The following ATOX1 variants were observed in gnomAD, a reference collection of about 807,000 sequenced individuals.
ATOX1 encodes antioxidant 1 copper chaperone, also known as copper transport protein ATOX1.
A neutral mutation model predicts 7.3 loss-of-function variants in ATOX1; 4 were observed. That is an observed-to-expected ratio of 0.55 (90% CI 0.27 to 1.25). ATOX1 has a LOEUF of 1.25. Ranked by LOEUF, ATOX1 falls within the 50% of genes most tolerant of loss-of-function variation. The probability of loss-of-function intolerance (pLI) is 0.12; values close to 1 mark genes in which losing one functional copy is unlikely to be tolerated. For missense variants in ATOX1, 68 were observed against 81.6 expected, an observed-to-expected ratio of 0.83 and a Z score of 0.64; for synonymous variants, 25 against 28.7, an observed-to-expected ratio of 0.87 and a Z score of 0.41.
chr5:151,755,907 T>C (rs1762008414), intron 1 of ATOX1, among the ~76,000 whole-genome samples: 1 of 151,654 alleles, frequency 6.6e-6, no homozygotes, highest in Non-Finnish European at 1.5e-5. Context: ...AGGTTTAAAG[T>C]AGGTTTTTAA....
chr5:151,748,101 T>G (rs879459450), intron 2 of ATOX1, among the ~76,000 whole-genome samples: 19 of 152,354 alleles, frequency 1.2e-4, no homozygotes, highest in African/African-American at 4.3e-4. Context: ...CAACAGATAT[T>G]TGGCACATTT....
At chr5:151,748,925 T>A (rs1761910402) in intron 2 of ATOX1, among the ~76,000 whole-genome samples, 1 of 151,706 alleles carries the variant, frequency 6.6e-6, no homozygotes, top group African/African-American at 2.4e-5. Flanking sequence ...CAAGACCCTG[T>A]CTCTACAAAA....
intron 1 of ATOX1, among the ~76,000 whole-genome samples, chr5:151,756,428 C>CT (rs1762017753): frequency 6.6e-6 from 1 of 150,560 alleles, no homozygotes; most frequent in Non-Finnish European, 1.5e-5. Context: ...CTTCTCTTCT[C>CT]TTCTTTCTTT....
chr5:151,748,059 T>A (rs1341298712), intron 2 of ATOX1, among the ~76,000 whole-genome samples: 2 of 152,254 alleles, frequency 1.3e-5, no homozygotes, highest in African/African-American at 4.8e-5. Context: ...AATATTGTTA[T>A]ACCATGAATT....
intron 2 of ATOX1, 33 bp from the exon 3 acceptor site, chr5:151,746,482 G>A (rs763369649): frequency 1.9e-6 from 3 of 1,612,440 alleles, no homozygotes; most frequent in Non-Finnish European, 2.5e-6. Flanking sequence ...ATGGGGAGAG[G>A]AAGCACAGAC....
At chr5:151,750,094 AATCTT>A (rs1425779259) in intron 2 of ATOX1, among the ~76,000 whole-genome samples, 1 of 152,178 alleles carries the variant, frequency 6.6e-6, no homozygotes, top group Non-Finnish European at 1.5e-5. Flanking sequence ...GAAAAGAAAA[AATCTT>A]AGAAGGCTGA....
rs143136214 is a variant in ATOX1, at chr5:151,746,220, C to T, written c.*46+59G>A. 89 of 1,474,650 alleles carry T rather than the reference C, an allele frequency of 6.0e-5. No homozygotes were observed. The African/African-American group carries it at 9.1e-4, about 15-fold the overall frequency. The allele number at this position is 1,474,650 out of a possible 1,614,324, so 91.3% of individuals were successfully genotyped here. A position where few individuals can be genotyped will look rare whatever the true frequency, so the allele number is the denominator to read the frequency against. On this transcript the variant is annotated intron_variant, in intron 3 of 3. Transcript: ENST00000313115. ...TCAAGCTCTCAAAGGCCAAGGTGTT[C>T]GCTCTGATGAGAGGTGTGAGCTGTA...
At chr5:151,753,656 A>T (rs1166144802) in intron 1 of ATOX1, among the ~76,000 whole-genome samples, 1 of 152,050 alleles carries the variant, frequency 6.6e-6, no homozygotes, top group Non-Finnish European at 1.5e-5. Flanking sequence ...AGCTAACTCA[A>T]TTTTTTTCAA....
chr5:151,755,640 G>T (rs1402437292), intron 1 of ATOX1, among the ~76,000 whole-genome samples: 3 of 152,144 alleles, frequency 2.0e-5, no homozygotes, highest in Non-Finnish European at 2.9e-5. Context: ...ATCCCCCACA[G>T]TATAAAGGTC....
At position 151,746,306 on chromosome 5, in the gene ATOX1, T is replaced by TTGAGTA. The variant is rs1761878755; in HGVS notation, c.*18_*19insTACTCA. On this transcript the variant is annotated 3_prime_UTR_variant, in exon 3 of 4. Coordinates refer to ENST00000313115, the MANE Select transcript of ATOX1 (RefSeq NM_004045.4). ...GCCCCCTTTGGTCCATCCTGTGGGC[T>TTGAGTA]GTGGGGACCAGGCCCCTGCTACTCA... The TTGAGTA allele has an allele frequency of 3.1e-6, 5 of 1,612,028 alleles. No homozygotes were observed. In the African/African-American group the frequency reaches 6.7e-5, roughly 22 times the overall value.
intron 2 of ATOX1, among the ~76,000 whole-genome samples, chr5:151,749,639 G>A (rs1170804605): frequency 8.8e-5 from 13 of 147,926 alleles, no homozygotes; most frequent in African/African-American, 3.0e-4. Context: ...TCTAGCCTGG[G>A]TGAAAGAGCA....
intron 2 of ATOX1, among the ~76,000 whole-genome samples, chr5:151,748,527 G>T (rs1761905908): frequency 6.6e-6 from 1 of 152,110 alleles, no homozygotes; most frequent in South Asian, 2.1e-4. Context: ...GCAGAAACCT[G>T]CCGAAGCTTA....
chr5:151,756,489 C>T (rs1762018942), intron 1 of ATOX1, among the ~76,000 whole-genome samples: 1 of 144,860 alleles, frequency 6.9e-6, no homozygotes, highest in South Asian at 2.2e-4. Context: ...TCTTTTGAGA[C>T]AGGGTTTCAC....
chr5:151,749,353 C>A (rs899109300), intron 2 of ATOX1, among the ~76,000 whole-genome samples: 1 of 150,998 alleles, frequency 6.6e-6, no homozygotes, highest in African/African-American at 2.4e-5. Context: ...GGCATGGTGG[C>A]CTGAGCCTGT....
intron 1 of ATOX1, among the ~76,000 whole-genome samples, chr5:151,756,477 T>C (rs1762018738): frequency 6.6e-6 from 1 of 151,762 alleles, no homozygotes; most frequent in East Asian, 1.9e-4. Context: ...CTTTTTTTTT[T>C]TTCTTTTGAG....
chr5:151,751,256 CAA>C (rs59348695), intron 2 of ATOX1, among the ~76,000 whole-genome samples: 184 of 63,452 alleles, frequency 2.9e-3, no homozygotes, highest in African/African-American at 8.5e-3. Context: ...AACTCTGTCT[CAA>C]AAAAAAAAAA....
rs1307315733 is a variant in ATOX1 at position 151,746,348 on chromosome 5, C to T, written c.184G>A (p.Val62Ile). The T allele has an allele frequency of 2.5e-6, 4 of 1,613,802 alleles. No homozygotes were observed. Among genetic ancestry groups the T allele is most frequent in the Non-Finnish European group, 3.4e-6 (4 of 1,179,786 alleles). The change falls in exon 3 of 4, where the codon GTT (valine) becomes ATT (isoleucine). Residue 62 changes from valine to isoleucine, a missense_variant. Transcript: ENST00000313115. ...TGCTACTCAAGGCCAAGGTAGGAAA[C>T]AGTCTTTCCTGTTTTCTTCAGGGTT... is the stretch of plus-strand genomic sequence containing the variant. ...LATLKKTGKT[V>I]SYLGLE
intron 2 of ATOX1, among the ~76,000 whole-genome samples, chr5:151,748,603 T>C (rs28917203): frequency 1.3e-5 from 2 of 152,218 alleles, no homozygotes; most frequent in Admixed American, 1.3e-4. Context: ...GGCTCATGTC[T>C]GTAATCCCAG....
In ATOX1 at chr5:151,748,422, C is replaced by T. The variant is rs556665991; in HGVS notation, c.83-1973G>A. On this transcript the variant is annotated intron_variant, in intron 2 of 3. Transcript: ENST00000313115. ...ATGCCATCAGTCTGTGATTCCTCAG[C>T]CCTACCACTGTTCTTTTAGGGCCAT... 5.3e-5 allele frequency among the ~76,000 whole-genome samples: 8 copies of T among 152,216 alleles called. No homozygotes were observed. In the South Asian group the frequency reaches 1.7e-3, roughly 32 times the overall value.
Sources: allele counts gnomAD v4.1 joint callset (sites outside exome capture counted in the v4.1 genomes callset), GRCh38; gene constraint gnomAD v4.1.1; transcripts MANE v1.5; gene names NCBI Gene and HGNC (gene_info 2026-07-23, HGNC 2026-07-21).